The following VIPR2 variants were observed in gnomAD, a reference collection of about 807,000 sequenced individuals.
The protein encoded by VIPR2 is vasoactive intestinal polypeptide receptor 2.
In VIPR2, 48 loss-of-function variants were observed where a neutral mutation model predicts 58.0. The ratio of observed to expected loss-of-function variants is 0.83; its 90% CI spans 0.66 to 1.05. VIPR2 has a LOEUF of 1.05. VIPR2 is among the 50% of genes least tolerant of loss of function. VIPR2 has a pLI of 0.00. For synonymous variants in VIPR2, 243 were observed against 235.2 expected (o/e 1.03, Z -0.30); for missense variants, 534 against 558.0 (o/e 0.96, Z 0.43).
At chr7:159,076,710 G>A (rs1415092087) in intron 4 of VIPR2, among the ~76,000 whole-genome samples, 2 of 152,242 alleles carry the variant, frequency 1.3e-5, no homozygotes, top group East Asian at 1.9e-4. Context: ...ACTTGTATAA[G>A]TAATTCTAAA....
intron 9 of VIPR2, 136 bp downstream of exon 9, chr7:159,034,445 T>C: frequency 1.6e-6 from 2 of 1,266,692 alleles, no homozygotes; most frequent in Non-Finnish European, 2.3e-6. Context: ...TCCACATGCC[T>C]GAAGAGGTCC....
chr7:159,077,128 G>C (rs1450591763), intron 4 of VIPR2, among the ~76,000 whole-genome samples: 2 of 152,242 alleles, frequency 1.3e-5, no homozygotes, highest in Admixed American at 1.3e-4. Flanking sequence ...ATCAGTCCAA[G>C]TTTAATGAGA....
rs1857651485 is a variant in VIPR2 at position 159,093,834 on chromosome 7, G to T, written c.357+9923C>A. Among the ~76,000 whole-genome samples, 1 of 152,168 alleles carries T rather than the reference G, an allele frequency of 6.6e-6. No homozygotes were observed. The highest frequency in any genetic ancestry group is 2.4e-5 in the African/African-American group (1 of 41,442). ...AGCGTCCCTGGGTCCGGACATGGGA[G>T]AGGCCCCGCAGTGTCCCTGAGTCTC... On this transcript the variant is annotated intron_variant, in intron 4 of 12. Coordinates refer to ENST00000262178, the MANE Select transcript of VIPR2 (RefSeq NM_003382.5). This position sits in a 1 kb window ranked among gnomAD's most constrained non-coding sequence, Gnocchi z 6.7.
intron 4 of VIPR2, among the ~76,000 whole-genome samples, chr7:159,084,445 T>C (rs1040821841): frequency 2.6e-5 from 4 of 151,876 alleles, no homozygotes; most frequent in East Asian, 3.9e-4. Context: ...CAGCATTTCA[T>C]GCCGAGTGAC....
rs553733255 is a variant in VIPR2 at position 159,051,401 on chromosome 7, G to C, written c.455+7080C>G. 5.3e-5 allele frequency among the ~76,000 whole-genome samples: 8 copies of C among 152,136 alleles called. 1 individual carries two copies. The South Asian group carries it at 1.7e-3, about 32-fold the overall frequency. On this transcript the variant is annotated intron_variant, in intron 5 of 12. Coordinates refer to ENST00000262178, the MANE Select transcript of VIPR2 (RefSeq NM_003382.5). Reference sequence around the variant, plus strand: ...TGTGAATCTGGGGTGACAACTAGAAGAATAGTAACAATCCAAAAGAGGAGA... The same window carrying C: ...TGTGAATCTGGGGTGACAACTAGAACAATAGTAACAATCCAAAAGAGGAGA...
chr7:159,133,034 A>ATGATTGGCAT (rs1563355780), intron 2 of VIPR2, among the ~76,000 whole-genome samples: 2 of 123,338 alleles, frequency 1.6e-5, no homozygotes, highest in Non-Finnish European at 3.2e-5. Flanking sequence ...AATGATTCCA[A>ATGATTGGCAT]AAATGCAGCC....
intron 2 of VIPR2, among the ~76,000 whole-genome samples, chr7:159,118,355 A>G (rs1796322842): frequency 6.6e-6 from 1 of 152,026 alleles, no homozygotes; most frequent in Non-Finnish European, 1.5e-5. Flanking sequence ...GCTGCTGGAG[A>G]CCATTTTCTG....
intron 4 of VIPR2, among the ~76,000 whole-genome samples, chr7:159,086,499 G>A (rs1308549123): frequency 6.6e-6 from 1 of 152,244 alleles, no homozygotes; most frequent in Non-Finnish European, 1.5e-5. Context: ...TGCCACATGG[G>A]TTTGCCCCCA....
At chr7:159,064,209 C>G (rs1366176397) in intron 4 of VIPR2, among the ~76,000 whole-genome samples, 1 of 151,932 alleles carries the variant, frequency 6.6e-6, no homozygotes, top group African/African-American at 2.4e-5. Flanking sequence ...CCCCACGCGC[C>G]GGGCCAGGAG....
chr7:159,135,354 C>G (rs549364638), intron 2 of VIPR2, among the ~76,000 whole-genome samples: 2 of 151,924 alleles, frequency 1.3e-5, no homozygotes, highest in Non-Finnish European at 2.9e-5. Context: ...ATTGCTTCAA[C>G]CCAGGAGGCA....
intron 2 of VIPR2, among the ~76,000 whole-genome samples, chr7:159,137,759 T>G (rs1042762968): frequency 6.6e-6 from 1 of 152,108 alleles, no homozygotes; most frequent in African/African-American, 2.4e-5. Flanking sequence ...TTAAAGAGTT[T>G]AGAAAATGGA....
rs1345155662 is a variant in VIPR2 at position 159,097,595 on chromosome 7, G to A, written c.357+6162C>T. On this transcript the variant is annotated intron_variant, in intron 4 of 12. Coordinates refer to ENST00000262178, the MANE Select transcript of VIPR2 (RefSeq NM_003382.5). The surrounding 1 kb of genome is among the most constrained non-coding windows in gnomAD (Gnocchi z 5.3). ...ACTCAAGGAGGGAGGCCCCCACTCT[G>A]TGCTCTTTCATCAGTGCCCAAGATG... Among the ~76,000 whole-genome samples the A allele has an allele frequency of 6.6e-6, 1 of 152,162 alleles. No homozygotes were observed. The highest frequency in any genetic ancestry group is 1.9e-4 in the East Asian group (1 of 5,168).
At chr7:159,044,578 G>A (rs1585351625) in intron 5 of VIPR2, among the ~76,000 whole-genome samples, 1 of 123,874 alleles carries the variant, frequency 8.1e-6, no homozygotes. Context: ...TCTTAAATAT[G>A]CTTAAAGAGT....
rs909636841 is a variant in VIPR2, at chr7:159,136,369, G to A, written c.151+6077C>T. Among the ~76,000 whole-genome samples, 22 of 152,292 alleles carry A rather than the reference G, an allele frequency of 1.4e-4. 1 individual carries two copies. Among genetic ancestry groups the A allele is most frequent in the South Asian group, 6.2e-4 (3 of 4,810 alleles). On this transcript the variant is annotated intron_variant, in intron 2 of 12. Coordinates refer to ENST00000262178, the MANE Select transcript of VIPR2 (RefSeq NM_003382.5). ...TGACCCAATCACCTCTTCAAGGCCC[G>A]TCTCTCAATACTACTACATTGAGGA...
At chr7:159,076,722 C>T (rs1300234892) in intron 4 of VIPR2, among the ~76,000 whole-genome samples, 1 of 152,052 alleles carries the variant, frequency 6.6e-6, no homozygotes, top group Non-Finnish European at 1.5e-5. Flanking sequence ...AATTCTAAAA[C>T]TTTCAGAAAA....
chr7:159,105,424 G>A (rs1027527176), intron 3 of VIPR2, among the ~76,000 whole-genome samples: 3 of 152,210 alleles, frequency 2.0e-5, no homozygotes, highest in Non-Finnish European at 2.9e-5. Context: ...CTTGGTGGGC[G>A]CTGCTGTTCC....
At chr7:159,044,473 A>G (rs1365320255) in intron 5 of VIPR2, among the ~76,000 whole-genome samples, 1 of 152,096 alleles carries the variant, frequency 6.6e-6, no homozygotes, top group Non-Finnish European at 1.5e-5. Context: ...GAAAAATAAA[A>G]TGAATCAACA....
intron 4 of VIPR2, among the ~76,000 whole-genome samples, chr7:159,076,887 T>C (rs1856662887): frequency 6.6e-6 from 1 of 152,238 alleles, no homozygotes; most frequent in South Asian, 2.1e-4. Flanking sequence ...CTTTTATTAC[T>C]AGTTAAGTTA....
At chr7:159,106,400 C>T (rs964338885) in intron 3 of VIPR2, among the ~76,000 whole-genome samples, 1 of 151,542 alleles carries the variant, frequency 6.6e-6, no homozygotes, top group Non-Finnish European at 1.5e-5. Flanking sequence ...CAGGGAGGTA[C>T]AGAGAGACCA....
Sources: allele counts gnomAD v4.1 joint callset (sites outside exome capture counted in the v4.1 genomes callset), GRCh38; gene constraint gnomAD v4.1.1; non-coding constraint Gnocchi (gnomAD v3.1); transcripts MANE v1.5; gene names NCBI Gene and HGNC (gene_info 2026-07-23, HGNC 2026-07-21).